Variants in CEP295 observed in about 807,000 individuals in gnomAD.
CEP295 encodes the protein centrosomal protein 295.
In CEP295, 190 loss-of-function variants were observed where a neutral mutation model predicts 291.6. That is an observed-to-expected ratio of 0.65 (90% CI 0.58 to 0.73). CEP295 has a LOEUF of 0.73. Among genes scored for constraint, CEP295 ranks in the 30% least tolerant of loss-of-function variants. The pLI, the probability that CEP295 is intolerant of heterozygous loss-of-function variation, is 0.00. For missense variants in CEP295, 2,863 were observed against 2,949.4 expected, an observed-to-expected ratio of 0.97 and a Z score of 0.68; for synonymous variants, 993 against 1,038.8, an observed-to-expected ratio of 0.96 and a Z score of 0.85.
intron 3 of CEP295, among the ~76,000 whole-genome samples, chr11:93,668,180 C>A (rs975102217): frequency 2.6e-5 from 4 of 152,048 alleles, no homozygotes; most frequent in African/African-American, 9.7e-5. Context: ...TGATGACTTT[C>A]AGAAAGTCAC....
chr11:93,675,497 C>T (rs1418613582), intron 5 of CEP295, 74 bp from the exon 6 acceptor site: 8 of 741,362 alleles, frequency 1.1e-5, no homozygotes, highest in Non-Finnish European at 1.5e-5. Flanking sequence ...TACAAAATTA[C>T]TTTTTTTGCA....
chr11:93,667,163 G>C (rs1311138592), intron 2 of CEP295, among the ~76,000 whole-genome samples: 1 of 152,182 alleles, frequency 6.6e-6, no homozygotes, highest in African/African-American at 2.4e-5. Context: ...GGAAATTGCA[G>C]ATAACCCTTT....
intron 17 of CEP295, among the ~76,000 whole-genome samples, chr11:93,705,006 T>G (rs1229915675): frequency 1.3e-5 from 2 of 152,204 alleles, no homozygotes; most frequent in Non-Finnish European, 2.9e-5. Flanking sequence ...GTATATTATG[T>G]TATTATATTT....
intron 5 of CEP295, among the ~76,000 whole-genome samples, chr11:93,674,038 T>C (rs1950571624): frequency 6.6e-6 from 1 of 151,042 alleles, no homozygotes; most frequent in African/African-American, 2.4e-5. Context: ...TTTTGCATCA[T>C]TGCAACCTCC....
chr11:93,697,592 C>G lies in CEP295; in HGVS notation c.2680C>G (p.Pro894Ala). 3 of 1,551,730 alleles carry G rather than the reference C, an allele frequency of 1.9e-6. No homozygotes were observed. Among genetic ancestry groups the G allele is most frequent in the Non-Finnish European group, 2.6e-6 (3 of 1,146,972 alleles). ...GLSVFLPLVT[P>A]DSSALLPSAK... ...CTCGGTATTCCTTCCCTTGGTAACTCCAGATTCATCTGCTTTATTGCCTTC... is the reference window on the plus strand; with the variant it reads ...CTCGGTATTCCTTCCCTTGGTAACTGCAGATTCATCTGCTTTATTGCCTTC... Residue 894 changes from proline to alanine, a missense_variant, in exon 15 of 30, where the codon CCA (proline) becomes GCA (alanine). Pro to Ala is a conservative substitution (Grantham distance 27, BLOSUM62 -1). This residue lies in a region of CEP295 where 2,295 missense variants were observed against 2,335.7 expected (regional missense o/e 0.98). Coordinates refer to ENST00000325212, the MANE Select transcript of CEP295 (RefSeq NM_033395.2).
intron 16 of CEP295, 69 bp from the exon 17 acceptor site, chr11:93,702,707 A>T: frequency 6.5e-7 from 1 of 1,532,762 alleles, no homozygotes; most frequent in East Asian, 2.5e-5. Context: ...GTAGCTTGCT[A>T]GTTGAAGAAA....
chr11:93,663,444 A>G (rs1280485539), intron 1 of CEP295, among the ~76,000 whole-genome samples: 4 of 152,226 alleles, frequency 2.6e-5, no homozygotes, highest in Non-Finnish European at 5.9e-5. Flanking sequence ...GATGACACAC[A>G]GTTACACAGC....
intron 11 of CEP295, 37 bp downstream of exon 11, chr11:93,691,812 C>G: frequency 7.4e-7 from 1 of 1,347,398 alleles, no homozygotes; most frequent in Non-Finnish European, 1.0e-6. Flanking sequence ...TTAAATTTGA[C>G]TCCTTGCATC....
Position 93,697,537 on chromosome 11 carries a change from A to C in CEP295, c.2625A>C (p.Lys875Asn). 1.9e-6 allele frequency: 3 copies of C among 1,551,810 alleles called. No individual in the cohort carries two copies. Among genetic ancestry groups the C allele is most frequent in the Non-Finnish European group, 2.6e-6 (3 of 1,146,996 alleles). Residue 875 changes from lysine (K) to asparagine (N), a missense_variant, in exon 15 of 30, where the codon AAA (lysine) becomes AAC (asparagine). Around this residue, in one of 3 missense-constraint regions of CEP295, gnomAD observed 2,295 missense variants for 2,335.7 expected, o/e 0.98. Coordinates refer to ENST00000325212, the MANE Select transcript of CEP295 (RefSeq NM_033395.2). Reference sequence around the variant, plus strand: ...CTCAGGAACAGTTGCTTTTGTGCAAACAGAAAGAAGTGGAACAGCAAACGG... The same window carrying C: ...CTCAGGAACAGTTGCTTTTGTGCAACCAGAAAGAAGTGGAACAGCAAACGG... ...QEAQEQLLLC[K>N]QKEVEQQTGL...
chr11:93,713,464 C>T (rs1172658278), intron 18 of CEP295, among the ~76,000 whole-genome samples: 1 of 152,156 alleles, frequency 6.6e-6, no homozygotes, highest in Admixed American at 6.5e-5. Context: ...TTTGCCAGAT[C>T]CGCACTTTTA....
Position 93,698,851 on chromosome 11 carries a change from A to C in CEP295, c.3939A>C (p.Glu1313Asp). Residue 1313 changes from glutamate to aspartate, a missense_variant, in exon 15 of 30, where the codon GAA (glutamate) becomes GAC (aspartate). Physicochemically the swap from Glu to Asp is conservative, Grantham distance 45 (BLOSUM62 2). Around this residue, in one of 3 missense-constraint regions of CEP295, gnomAD observed 2,295 missense variants for 2,335.7 expected, o/e 0.98. Transcript: ENST00000325212. ...LASAESGTIL[E>D]PLFTESESKI... Reference sequence around the variant, plus strand: ...CAGCTGAGTCTGGCACAATCCTGGAACCTCTTTTTACAGAGAGTGAAAGTA... The same window carrying C: ...CAGCTGAGTCTGGCACAATCCTGGACCCTCTTTTTACAGAGAGTGAAAGTA... 6.4e-7 allele frequency: 1 copy of C among 1,551,688 alleles called. No homozygotes were observed. Among genetic ancestry groups the C allele is most frequent in the East Asian group, 2.4e-5 (1 of 40,914 alleles).
Position 93,725,770 on chromosome 11 carries a change from A to T in CEP295, c.6438A>T (p.Gln2146His). ...HSSLNTSPNQ[Q>H]PDTNLAHVGA... is the part of the protein sequence containing the mutation. ...CTCTTAACACAAGTCCGAATCAACA[A>T]CCTGACACTAACTTGGCTCATGTTG... is the stretch of plus-strand genomic sequence containing the variant. Residue 2146 changes from glutamine (Q) to histidine (H), a missense_variant, in exon 23 of 30, where the codon CAA becomes CAT. This residue lies in a region of CEP295 where 2,295 missense variants were observed against 2,335.7 expected (regional missense o/e 0.98). Coordinates refer to ENST00000325212, the MANE Select transcript of CEP295 (RefSeq NM_033395.2). 6.4e-7 allele frequency: 1 copy of T among 1,551,714 alleles called. No homozygotes were observed. Among genetic ancestry groups the T allele is most frequent in the Non-Finnish European group, 8.7e-7 (1 of 1,146,982 alleles).
At chr11:93,728,580 TTTATATACACTTGCAAAAAATGTGCA>T in intron 24 of CEP295, 75 bp from the exon 25 acceptor site, 1 of 1,031,148 alleles carries the variant, frequency 9.7e-7, no homozygotes, top group Non-Finnish European at 1.3e-6. Context: ...CATTTTCACA[TTTATATACACTTGCAAAAAATGTGCA>T]TTATATACAA....
chr11:93,697,171 A>C lies in CEP295; in HGVS notation c.2259A>C (p.Glu753Asp). Residue 753 changes from glutamate (E) to aspartate (D), a missense_variant, in exon 15 of 30, where the codon GAA becomes GAC. By Grantham distance (45) the Glu-to-Asp change is conservative. Transcript: ENST00000325212. ...CACAGGATGCTAGAAAAATATCTGA[A>C]ACATTTGGGGCAACAACTTTTCAAA... Reference protein sequence around the residue: ...LISQDARKISETFGATTFQSL... With the variant: ...LISQDARKISDTFGATTFQSL... The C allele has an allele frequency of 6.4e-7, 1 of 1,551,798 alleles. No individual in the cohort carries two copies. Among genetic ancestry groups the C allele is most frequent in the East Asian group, 2.4e-5 (1 of 40,932 alleles).
intron 22 of CEP295, among the ~76,000 whole-genome samples, chr11:93,724,637 C>A (rs553289022): frequency 6.6e-6 from 1 of 151,798 alleles, no homozygotes; most frequent in African/African-American, 2.4e-5. Context: ...TGTCGTGGTG[C>A]GCACCTGTAG....
chr11:93,729,994 TTA>T, intron 28 of CEP295, 25 bp downstream of exon 28: 1 of 1,492,368 alleles, frequency 6.7e-7, no homozygotes, highest in South Asian at 1.3e-5. Flanking sequence ...TTTTTTTTTT[TTA>T]GTGATTCACT....
At chr11:93,726,745 A>G (rs1326295991) in intron 23 of CEP295, 3 of 392,936 alleles carry the variant, frequency 7.6e-6, no homozygotes, top group Non-Finnish European at 1.4e-5. Context: ...GTTTATAGCC[A>G]TATTGTCCTT....
chr11:93,670,427 T>A (rs1035050944), intron 5 of CEP295, among the ~76,000 whole-genome samples: 2 of 152,184 alleles, frequency 1.3e-5, no homozygotes, highest in Admixed American at 6.5e-5. Flanking sequence ...AGAAATTTTT[T>A]AAAATACTTG....
intron 1 of CEP295, among the ~76,000 whole-genome samples, chr11:93,664,399 T>C (rs1347021244): frequency 6.6e-6 from 1 of 152,244 alleles, no homozygotes; most frequent in Non-Finnish European, 1.5e-5. Flanking sequence ...GAAAGTCCTT[T>C]AACCCAAGAG....
Sources: gnomAD v4.1 joint callset for allele counts (sites outside exome capture counted in the v4.1 genomes callset) on GRCh38, gnomAD v4.1.1 for gene constraint, gnomAD v4.1.1 regional missense constraint, MANE v1.5 for transcripts, NCBI Gene and HGNC (gene_info 2026-07-23, HGNC 2026-07-21) for gene names.